The following FANCI variants were observed in gnomAD, a reference collection of about 807,000 sequenced individuals.
FANCI encodes the protein FA complementation group I.
A neutral mutation model predicts 176.1 loss-of-function variants in FANCI; 156 were observed. That is an observed-to-expected ratio of 0.89 (90% CI 0.78 to 1.01). The LOEUF is 1.01. Ranked by LOEUF, FANCI falls within the 50% of genes least tolerant of loss-of-function variation. The pLI, the probability that FANCI is intolerant of heterozygous loss-of-function variation, is 0.00. For missense variants in FANCI, 1,678 were observed against 1,534.1 expected (o/e 1.09, Z -1.57); for synonymous variants, 613 against 541.7 (o/e 1.13, Z -1.83).
intron 18 of FANCI, among the ~76,000 whole-genome samples, chr15:89,289,351 G>A (rs1310732038): frequency 6.6e-6 from 1 of 151,874 alleles, no homozygotes; most frequent in Non-Finnish European, 1.5e-5. Flanking sequence ...AGACTGGAAT[G>A]CAGTGGTGCG....
chr15:89,273,238 A>C (rs2053266583), intron 10 of FANCI, 139 bp from the exon 11 acceptor site: 1 of 604,740 alleles, frequency 1.7e-6, no homozygotes, highest in Non-Finnish European at 3.0e-6. Flanking sequence ...TGGGAAATCA[A>C]GGCTGCAGTG....
chr15:89,307,679 G>T lies in FANCI; in HGVS notation c.3651+7G>T. The T allele has an allele frequency of 1.9e-6, 3 of 1,614,142 alleles. No homozygotes were observed. The highest frequency in any genetic ancestry group is 2.5e-6 in the Non-Finnish European group (3 of 1,180,022). ...TTTCATTTCTTACGTACAGGTAAGA[G>T]ATTCAGAGGCAGTACCCAATAGGTC... On this transcript the variant is annotated splice_region_variant and intron_variant, in intron 34 of 37. Transcript: ENST00000310775.
Position 89,268,521 on chromosome 15 carries a change from T to C in FANCI, c.878T>C (p.Leu293Ser). Residue 293 changes from leucine (L) to serine (S), a missense_variant, in exon 10 of 38, where the codon TTA (leucine) becomes TCA (serine). By Grantham distance (145) the Leu-to-Ser change is moderately radical. This residue lies in a region of FANCI where 469 missense variants were observed against 436.9 expected (regional missense o/e 1.07). Transcript: ENST00000310775. ...YELGRELVKH[L>S]KVGQQGDSNN... ...CTAGGCAGAGAACTCGTGAAACACTTAAAGGTAGCATCAAACTTGTAAGGT... is the reference window on the plus strand; with the variant it reads ...CTAGGCAGAGAACTCGTGAAACACTCAAAGGTAGCATCAAACTTGTAAGGT... The C allele has an allele frequency of 6.2e-7, 1 of 1,614,194 alleles. No individual in the cohort carries two copies. The highest frequency in any genetic ancestry group is 1.1e-5 in the South Asian group (1 of 91,086).
intron 5 of FANCI, 35 bp downstream of exon 5, chr15:89,261,776 A>G (rs753552933): frequency 1.2e-5 from 19 of 1,614,046 alleles, no homozygotes; most frequent in East Asian, 4.5e-5. Context: ...CTTTTTCTCT[A>G]TGCACATAAT....
chr15:89,305,034 C>T, intron 28 of FANCI, 81 bp from the exon 29 acceptor site: 2 of 1,574,608 alleles, frequency 1.3e-6, no homozygotes, highest in Admixed American at 3.4e-5. Flanking sequence ...CCTTGGCCTC[C>T]CAAAGTGCTG....
At chr15:89,253,430 C>T (rs2052348786) in intron 2 of FANCI, among the ~76,000 whole-genome samples, 1 of 152,062 alleles carries the variant, frequency 6.6e-6, no homozygotes, top group African/African-American at 2.4e-5. Flanking sequence ...GGGAAGATCG[C>T]TTGAGCCACG....
chr15:89,301,575 A>T, intron 27 of FANCI, 133 bp downstream of exon 27: 1 of 762,686 alleles, frequency 1.3e-6, no homozygotes, highest in Non-Finnish European at 2.4e-6. Context: ...TATACACCTG[A>T]GTTAATATAA....
chr15:89,314,755 C>A, intron 36 of FANCI, 48 bp downstream of exon 36: 2 of 1,378,436 alleles, frequency 1.5e-6, no homozygotes, highest in Non-Finnish European at 2.1e-6. Flanking sequence ...ACCTTCTTGA[C>A]AGATCTGGCA....
chr15:89,281,172 C>G lies in FANCI; in HGVS notation c.1384C>G (p.Leu462Val), dbSNP rs1369888767. Residue 462 changes from leucine to valine, a missense_variant and splice_region_variant, in exon 15 of 38, where the codon CTG (leucine) becomes GTG (valine). Physicochemically the swap from Leu to Val is conservative, Grantham distance 32. Around this residue, in one of 3 missense-constraint regions of FANCI, gnomAD observed 1,204 missense variants for 1,077.4 expected, o/e 1.12. Coordinates refer to ENST00000310775, the MANE Select transcript of FANCI (RefSeq NM_001113378.2). Reference protein sequence around the residue: ...ASSPISHFLDLLSNIVMYAPL... With the variant: ...ASSPISHFLDVLSNIVMYAPL... Reference sequence around the variant, plus strand: ...TGATTATAGATTCTGTTTTTCAGACCTGCTTTCAAATATCGTCATGTATGC... The same window carrying G: ...TGATTATAGATTCTGTTTTTCAGACGTGCTTTCAAATATCGTCATGTATGC... The G allele has an allele frequency of 6.2e-7, 1 of 1,612,998 alleles. No homozygotes were observed. Among genetic ancestry groups the G allele is most frequent in the Non-Finnish European group, 8.5e-7 (1 of 1,179,490 alleles).
chr15:89,307,657 C>G lies in FANCI; in HGVS notation c.3636C>G (p.Phe1212Leu), dbSNP rs375642371. 6 of 1,614,018 alleles carry G rather than the reference C, an allele frequency of 3.7e-6. No homozygotes were observed. The African/African-American group carries it at 8.0e-5, about 22-fold the overall frequency. Residue 1212 changes from phenylalanine to leucine, a missense_variant, in exon 34 of 38, where the codon TTC (phenylalanine) becomes TTG (leucine). Physicochemically the swap from Phe to Leu is conservative, Grantham distance 22. Coordinates refer to ENST00000310775, the MANE Select transcript of FANCI (RefSeq NM_001113378.2). The stretch of plus-strand genomic sequence containing the variant: ...ATCTGACCCCCCTGTGTTATTCTTT[C>G]ATTTCTTACGTACAGGTAAGAGATT... The part of the protein sequence containing the change: ...GSHLTPLCYS[F>L]ISYVQNKSKS...
chr15:89,299,230 T>C (rs1162316344), intron 24 of FANCI, among the ~76,000 whole-genome samples: 1 of 151,962 alleles, frequency 6.6e-6, no homozygotes, highest in Non-Finnish European at 1.5e-5. Context: ...AGTAATCTTA[T>C]CTCTATTCAA....
rs575160906 is a variant in FANCI at position 89,310,212 on chromosome 15, A to G, written c.3651+2540A>G. Among the ~76,000 whole-genome samples, 4 of 152,352 alleles carry G rather than the reference A, an allele frequency of 2.6e-5. No homozygotes were observed. In the South Asian group the frequency reaches 8.3e-4, roughly 32 times the overall value. On this transcript the variant is annotated intron_variant, in intron 34 of 37. Transcript: ENST00000310775. ...TCTATCACACCTACTCAACTCTACT[A>G]TTAGAACATAAAAGCAGCCATAGAT...
chr15:89,308,841 G>C (rs1053337856), intron 34 of FANCI, among the ~76,000 whole-genome samples: 2 of 152,098 alleles, frequency 1.3e-5, no homozygotes, highest in African/African-American at 4.8e-5. Context: ...AGCTACTTGG[G>C]AGGCTGAGGC....
At chr15:89,265,760 G>C (rs2052920205) in intron 9 of FANCI, among the ~76,000 whole-genome samples, 1 of 151,830 alleles carries the variant, frequency 6.6e-6, no homozygotes, top group African/African-American at 2.4e-5. Flanking sequence ...GACCTCAGGT[G>C]ATCCACCTGC....
rs376878485 is a variant in FANCI, at chr15:89,306,208, A to G, written c.3537+14A>G. 20 of 1,613,884 alleles carry G rather than the reference A, an allele frequency of 1.2e-5. No homozygotes were observed. The highest frequency in any genetic ancestry group is 1.6e-5 in the Non-Finnish European group (19 of 1,179,868). On this transcript the variant is annotated intron_variant, in intron 32 of 37. Transcript: ENST00000310775. Reference sequence around the variant, plus strand: ...CTTGTCAGATATGTGAGTATTTGAGACAAGCAGATTCGCCCCACCATTCTA... The same window carrying G: ...CTTGTCAGATATGTGAGTATTTGAGGCAAGCAGATTCGCCCCACCATTCTA...
intron 4 of FANCI, among the ~76,000 whole-genome samples, chr15:89,261,278 A>C (rs1342808514): frequency 6.6e-6 from 1 of 152,182 alleles, no homozygotes; most frequent in East Asian, 1.9e-4. Context: ...CTCAAAAAAA[A>C]AGCAGATGAA....
intron 35 of FANCI, among the ~76,000 whole-genome samples, chr15:89,313,900 TACAC>T (rs34352725): frequency 0.012 from 1,699 of 142,708 alleles, 31 homozygotes; most frequent in African/African-American, 0.041. Flanking sequence ...GGGTTAAAAA[TACAC>T]ACACACACAC....
At chr15:89,280,930 T>G (rs1003920503) in intron 14 of FANCI, among the ~76,000 whole-genome samples, 1 of 152,222 alleles carries the variant, frequency 6.6e-6, no homozygotes, top group Non-Finnish European at 1.5e-5. Flanking sequence ...ATCGGTTTCT[T>G]CCTTTCTTTT....
At chr15:89,304,861 C>T (rs2054656509) in intron 28 of FANCI, among the ~76,000 whole-genome samples, 1 of 152,102 alleles carries the variant, frequency 6.6e-6, no homozygotes, top group Non-Finnish European at 1.5e-5. Context: ...ACCGCAGCCT[C>T]CGCCTCCTGG....
Sources: allele counts gnomAD v4.1 joint callset (sites outside exome capture counted in the v4.1 genomes callset), GRCh38; gene constraint gnomAD v4.1.1; regional missense constraint gnomAD v4.1.1; transcripts MANE v1.5; gene names NCBI Gene and HGNC (gene_info 2026-07-23, HGNC 2026-07-21).